Variants in FREM1 observed in about 807,000 individuals in gnomAD.
FREM1 encodes FRAS1 related extracellular matrix 1, also known as FRAS1-related extracellular matrix protein 1.
FREM1 carries 220 observed loss-of-function variants against 210.1 expected under a neutral mutation model. The observed-to-expected ratio is 1.05, with a 90% CI of 0.94 to 1.17. The LOEUF (loss-of-function observed/expected upper bound fraction) is 1.17, where lower values mean the gene tolerates loss of function less well. Ranked by LOEUF, FREM1 falls within the 50% of genes most tolerant of loss-of-function variation. The probability of loss-of-function intolerance (pLI) is 0.00; values close to 1 mark genes in which losing one functional copy is unlikely to be tolerated. For synonymous variants in FREM1, 1,189 were observed against 980.2 expected, an observed-to-expected ratio of 1.21 and a Z score of -3.98; for missense variants, 3,454 against 2,675.5, an observed-to-expected ratio of 1.29 and a Z score of -6.42.
chr9:14,858,505 C>CTTTTTT (rs35912803), intron 4 of FREM1, among the ~76,000 whole-genome samples: 11 of 138,416 alleles, frequency 7.9e-5, no homozygotes, highest in African/African-American at 2.9e-4. Context: ...CAGCCACCCA[C>CTTTTTT]TTTTTTTTTT....
intron 10 of FREM1, among the ~76,000 whole-genome samples, chr9:14,830,466 T>C (rs1317102654): frequency 2.6e-5 from 4 of 152,208 alleles, no homozygotes; most frequent in African/African-American, 9.7e-5. Context: ...TTCAGTACAT[T>C]GAGAACACTT....
At chr9:14,860,974 C>CATATATACACATATATACAT (rs1406557386) in intron 3 of FREM1, among the ~76,000 whole-genome samples, 1 of 111,444 alleles carries the variant, frequency 9.0e-6, no homozygotes, top group Non-Finnish European at 1.7e-5. Flanking sequence ...CACATATATA[C>CATATATACACATATATACAT]ATATATACAC....
chr9:14,788,660 C>T (rs577112487), intron 23 of FREM1, among the ~76,000 whole-genome samples: 8 of 152,184 alleles, frequency 5.3e-5, no homozygotes, highest in Admixed American at 2.6e-4. Context: ...GCCTGTATAG[C>T]CATATTGTGT....
intron 3 of FREM1, among the ~76,000 whole-genome samples, chr9:14,860,798 C>CGTATATAT (rs1564101775): frequency 6.6e-5 from 6 of 91,134 alleles, no homozygotes; most frequent in East Asian, 2.8e-4. Context: ...TACATATATA[C>CGTATATAT]ACATATATAC....
chr9:14,871,114 T>C (rs1021793725), intron 1 of FREM1, among the ~76,000 whole-genome samples: 12 of 152,166 alleles, frequency 7.9e-5, no homozygotes, highest in Non-Finnish European at 1.5e-4. Flanking sequence ...GCAATAAACA[T>C]ACGTGTGCAT....
intron 1 of FREM1, among the ~76,000 whole-genome samples, chr9:14,884,393 G>A (rs1835398929): frequency 6.6e-6 from 1 of 151,996 alleles, no homozygotes; most frequent in South Asian, 2.1e-4. Flanking sequence ...TTCTTTACAT[G>A]GTAATCATGT....
At chr9:14,850,943 C>CA (rs144247803) in intron 6 of FREM1, among the ~76,000 whole-genome samples, 2,427 of 152,188 alleles carry the variant, frequency 0.016, 70 homozygotes, top group African/African-American at 0.055. Context: ...AGCATTTTAC[C>CA]AAAAATGTAT....
chr9:14,822,330 C>T (rs1015907660), intron 13 of FREM1, among the ~76,000 whole-genome samples: 1 of 152,140 alleles, frequency 6.6e-6, no homozygotes, highest in African/African-American at 2.4e-5. Context: ...AAGACCTCTG[C>T]CCCACAACCT....
chr9:14,766,982 A>T (rs1215181052), intron 27 of FREM1, among the ~76,000 whole-genome samples: 5 of 152,212 alleles, frequency 3.3e-5, no homozygotes, highest in Non-Finnish European at 7.3e-5. Context: ...AACAGTAATC[A>T]CCACAAGTTG....
At chr9:14,870,896 T>C (rs1398928394) in intron 1 of FREM1, among the ~76,000 whole-genome samples, 8 of 147,760 alleles carry the variant, frequency 5.4e-5, no homozygotes, top group East Asian at 2.1e-4. Flanking sequence ...TGAGTGAGAA[T>C]ATGCGGTGTT....
rs1845189984 is a variant in FREM1 at position 14,759,962 on chromosome 9, C to G, written c.5205-61G>C. On this transcript the variant is annotated intron_variant, in intron 27 of 36. Transcript: ENST00000380880. ...CATAGTATATGCCTATAGGGATTCTCTGCTGAGCGGACTAGTGGAAAAACG... is the reference window on the plus strand; with the variant it reads ...CATAGTATATGCCTATAGGGATTCTGTGCTGAGCGGACTAGTGGAAAAACG... 2.1e-6 allele frequency: 3 copies of G among 1,410,858 alleles called. No homozygotes were observed. The African/African-American group carries it at 4.3e-5, about 20-fold the overall frequency. 87.4% of individuals were successfully genotyped at this position (1,410,858 alleles called of 1,614,324 possible).
At chr9:14,875,402 C>T (rs1833509569) in intron 1 of FREM1, among the ~76,000 whole-genome samples, 1 of 152,070 alleles carries the variant, frequency 6.6e-6, no homozygotes, top group Admixed American at 6.6e-5. Context: ...CTAAACTTCC[C>T]TTCTCACTTC....
Position 14,806,733 on chromosome 9 carries a change from G to C in FREM1, c.3202C>G (p.Pro1068Ala). ...DDLEFVLVSP[P>A]QFGYLENILP... ...ATATTTTCGAGGTAGCCAAACTGAGGAGGAGAAACCAAAACAAATTCCAAG... is the reference window on the plus strand; with the variant it reads ...ATATTTTCGAGGTAGCCAAACTGAGCAGGAGAAACCAAAACAAATTCCAAG... Residue 1068 changes from proline to alanine, a missense_variant, in exon 18 of 37, where the codon CCT becomes GCT. Physicochemically the swap from Pro to Ala is conservative, Grantham distance 27. Transcript: ENST00000380880. 6.2e-7 allele frequency: 1 copy of C among 1,604,754 alleles called. No individual in the cohort carries two copies. The highest frequency in any genetic ancestry group is 8.5e-7 in the Non-Finnish European group (1 of 1,175,394).
chr9:14,763,761 G>T (rs146632260), intron 27 of FREM1, among the ~76,000 whole-genome samples: 1 of 152,328 alleles, frequency 6.6e-6, no homozygotes, highest in Non-Finnish European at 1.5e-5. Context: ...CATTTTTCCA[G>T]AGCATGTACC....
At position 14,816,794 on chromosome 9, in the gene FREM1, A is replaced by G. The variant is rs1360910130; in HGVS notation, c.2624T>C (p.Phe875Ser). 2.8e-6 allele frequency: 4 copies of G among 1,426,680 alleles called. No homozygotes were observed. The Admixed American group carries it at 5.8e-5, about 21-fold the overall frequency. 88.4% of individuals were successfully genotyped at this position (1,426,680 alleles called of 1,614,324 possible). ...TCTACCCACCTCAACATGTAGTACA[A>G]ATTCTGCTGAATTTGTGCCATCGGT... is the stretch of plus-strand genomic sequence containing the variant. ...EVTDGTNSAEFVLHVEVFPVN... is the reference protein window; with the variant it reads ...EVTDGTNSAESVLHVEVFPVN... Residue 875 changes from phenylalanine to serine, a missense_variant, in exon 15 of 37, where the codon TTT becomes TCT. Transcript: ENST00000380880.
chr9:14,835,287 T>C (rs896710153), intron 10 of FREM1, among the ~76,000 whole-genome samples: 5 of 152,238 alleles, frequency 3.3e-5, no homozygotes, highest in Non-Finnish European at 7.3e-5. Context: ...ATTTGGAGCA[T>C]GTTCATTTTT....
At chr9:14,873,842 T>C (rs982516554) in intron 1 of FREM1, among the ~76,000 whole-genome samples, 3 of 152,220 alleles carry the variant, frequency 2.0e-5, no homozygotes, top group African/African-American at 7.2e-5. Flanking sequence ...GTTTTGAATG[T>C]GTCCCAGAGA....
chr9:14,756,242 G>T, intron 29 of FREM1, 132 bp downstream of exon 29: 1 of 662,146 alleles, frequency 1.5e-6, no homozygotes, highest in Non-Finnish European at 2.6e-6. Context: ...GAGTGAGGTG[G>T]TATGGCTCCC....
In FREM1 at chr9:14,884,187, C is replaced by T. The variant is rs552861700; in HGVS notation, c.-267-14943G>A. On this transcript the variant is annotated intron_variant, in intron 1 of 36. Coordinates refer to ENST00000380880, the MANE Select transcript of FREM1 (RefSeq NM_001379081.2). ...GAGGTTGCAGTGAGCCAAGATCGCG[C>T]CACTGCACTCCAGCCTGGGCGACAG... is the stretch of plus-strand genomic sequence containing the variant. Among the ~76,000 whole-genome samples, 37 of 152,192 alleles carry T rather than the reference C, an allele frequency of 2.4e-4. 1 individual carries two copies. The highest frequency in any genetic ancestry group is 2.0e-4 in the Admixed American group (3 of 15,284).
Sources: gnomAD v4.1 joint callset for allele counts (sites outside exome capture counted in the v4.1 genomes callset) on GRCh38, gnomAD v4.1.1 for gene constraint, MANE v1.5 for transcripts, NCBI Gene and HGNC (gene_info 2026-07-23, HGNC 2026-07-21) for gene names.